Variants in DNM3 observed in about 807,000 individuals in gnomAD.
DNM3 encodes dynamin 3, also known as dynamin-3.
Under a neutral mutation model 101.6 loss-of-function variants are expected in DNM3, and 47 were observed. That is an observed-to-expected ratio of 0.46 (90% CI 0.37 to 0.59). The LOEUF (loss-of-function observed/expected upper bound fraction) is 0.59, where lower values mean the gene tolerates loss of function less well. Ranked by LOEUF, DNM3 falls within the 20% of genes least tolerant of loss-of-function variation. The pLI is 0.00. For synonymous variants in DNM3, 385 were observed against 387.9 expected (o/e 0.99, Z 0.09); for missense variants, 849 against 1,085.7 (o/e 0.78, Z 3.06).
At chr1:172,382,669 A>G (rs9425587) in intron 18 of DNM3, among the ~76,000 whole-genome samples, 5 of 152,110 alleles carry the variant, frequency 3.3e-5, no homozygotes, top group South Asian at 2.1e-4. Context: ...TCCTACCCCC[A>G]CAGGGTATTC....
At chr1:172,319,065 G>A (rs1430440582) in intron 16 of DNM3, among the ~76,000 whole-genome samples, 2 of 152,048 alleles carry the variant, frequency 1.3e-5, no homozygotes, top group Non-Finnish European at 2.9e-5. Context: ...ACAGAACAGA[G>A]CCCTCAGAAA....
chr1:172,345,345 CTG>C (rs1191832696), intron 17 of DNM3, among the ~76,000 whole-genome samples: 1 of 152,172 alleles, frequency 6.6e-6, no homozygotes, highest in African/African-American at 2.4e-5. Context: ...GAAAGGGAAA[CTG>C]ATTATATTAG....
At chr1:172,389,557 G>T (rs9425591) in intron 20 of DNM3, among the ~76,000 whole-genome samples, 72,142 of 152,026 alleles carry the variant, frequency 0.47, 20,249 homozygotes, top group East Asian at 0.87. Context: ...ACAATGAATA[G>T]AATCAGAGAT....
At chr1:171,982,074 G>A (rs2044844146) in intron 2 of DNM3, among the ~76,000 whole-genome samples, 1 of 152,174 alleles carries the variant, frequency 6.6e-6, no homozygotes, top group African/African-American at 2.4e-5. Context: ...CATGTCAAGA[G>A]AGCTCATGCC....
chr1:171,922,191 T>C (rs1395584754), intron 2 of DNM3, among the ~76,000 whole-genome samples: 2 of 151,918 alleles, frequency 1.3e-5, no homozygotes, highest in Non-Finnish European at 2.9e-5. Flanking sequence ...GGGGATTAAC[T>C]CATAAAATTC....
intron 14 of DNM3, among the ~76,000 whole-genome samples, chr1:172,222,768 G>A (rs1253293751): frequency 6.6e-6 from 1 of 152,020 alleles, no homozygotes; most frequent in South Asian, 2.1e-4. Flanking sequence ...CATTAACAGA[G>A]TTCTAAACAT....
intron 14 of DNM3, among the ~76,000 whole-genome samples, chr1:172,179,681 T>C (rs1170032533): frequency 6.6e-6 from 1 of 151,894 alleles, no homozygotes; most frequent in Non-Finnish European, 1.5e-5. Flanking sequence ...TATTTAATTC[T>C]GGACTTATTT....
At chr1:172,144,251 A>G (rs931715841) in intron 14 of DNM3, 3 of 153,138 alleles carry the variant, frequency 2.0e-5, no homozygotes, top group African/African-American at 7.3e-5. Flanking sequence ...AATTAAATAC[A>G]TCTCTACCCA....
intron 16 of DNM3, among the ~76,000 whole-genome samples, chr1:172,314,291 A>G (rs2065215011): frequency 6.6e-6 from 1 of 152,224 alleles, no homozygotes; most frequent in African/African-American, 2.4e-5. Context: ...TCCGGTCTAC[A>G]GCTCCCAGCG....
intron 13 of DNM3, among the ~76,000 whole-genome samples, chr1:172,119,514 G>A (rs561930076): frequency 1.8e-4 from 28 of 152,020 alleles, no homozygotes; most frequent in African/African-American, 6.8e-4. Context: ...TTTCCTTCAT[G>A]GGTCCATCCT....
chr1:172,270,464 A>G (rs2148745866), intron 15 of DNM3, among the ~76,000 whole-genome samples: 1 of 152,298 alleles, frequency 6.6e-6, no homozygotes, highest in South Asian at 2.1e-4. Flanking sequence ...TTATGGTGAC[A>G]CCAACTTACC....
At chr1:172,128,502 A>C (rs2056763086) in intron 13 of DNM3, among the ~76,000 whole-genome samples, 1 of 152,214 alleles carries the variant, frequency 6.6e-6, no homozygotes, top group South Asian at 2.1e-4. Context: ...AATTTCTGAT[A>C]GCCACATTAA....
intron 17 of DNM3, among the ~76,000 whole-genome samples, chr1:172,347,870 T>C (rs1361907657): frequency 1.3e-5 from 2 of 152,172 alleles, no homozygotes; most frequent in Admixed American, 6.5e-5. Flanking sequence ...TATTTACACA[T>C]TGGAGTATTA....
chr1:172,073,619 A>C (rs1289443143), intron 11 of DNM3, among the ~76,000 whole-genome samples: 1 of 152,176 alleles, frequency 6.6e-6, no homozygotes, highest in Non-Finnish European at 1.5e-5. Flanking sequence ...TATGTCTATG[A>C]ACTGTTGCCA....
At chr1:172,163,878 T>TATGTGTATATATGTATATATGCAC (rs968155683) in intron 14 of DNM3, among the ~76,000 whole-genome samples, 5 of 117,618 alleles carry the variant, frequency 4.3e-5, no homozygotes, top group South Asian at 2.5e-4. Flanking sequence ...TGTGTATATG[T>TATGTGTATATATGTATATATGCAC]ATGTGTATAT....
chr1:171,887,439 T>C lies in DNM3; in HGVS notation c.162-34309T>C, dbSNP rs563407991. Among the ~76,000 whole-genome samples the C allele has an allele frequency of 2.6e-5, 4 of 152,302 alleles. No homozygotes were observed. The South Asian group carries it at 8.3e-4, about 32-fold the overall frequency. On this transcript the variant is annotated intron_variant, in intron 1 of 20. Coordinates refer to ENST00000627582, the MANE Select transcript of DNM3 (RefSeq NM_015569.5). ...TTAAAAAATGTCTTCTGTATACTAT[T>C]TAAAAGATTTTCCATAGTTTTCATG...
At position 172,189,145 on chromosome 1, in the gene DNM3, C is replaced by T. The variant is rs149545061; in HGVS notation, c.1659+57857C>T. Among the ~76,000 whole-genome samples, 527 of 151,994 alleles carry T rather than the reference C, an allele frequency of 3.5e-3. 1 individual carries two copies. The highest frequency in any genetic ancestry group is 0.012 in the African/African-American group (503 of 41,496). ...CCTTTCTCTATTGAATTGCCTTTTT[C>T]CCTTTGTCCAAGATCAGTTAACTAG... On this transcript the variant is annotated intron_variant, in intron 14 of 20. Coordinates refer to ENST00000627582, the MANE Select transcript of DNM3 (RefSeq NM_015569.5).
chr1:172,147,010 A>G (rs1400686141), intron 14 of DNM3, among the ~76,000 whole-genome samples: 6 of 152,164 alleles, frequency 3.9e-5, no homozygotes. Context: ...AATTTTCTCC[A>G]GAGACAGCTA....
intron 17 of DNM3, among the ~76,000 whole-genome samples, chr1:172,333,314 A>G (rs984608703): frequency 6.6e-6 from 1 of 152,200 alleles, no homozygotes; most frequent in African/African-American, 2.4e-5. Context: ...ATTTAAGTAG[A>G]CTGAACAAGT....
Sources: allele counts gnomAD v4.1 joint callset (sites outside exome capture counted in the v4.1 genomes callset), GRCh38; gene constraint gnomAD v4.1.1; transcripts MANE v1.5; gene names NCBI Gene and HGNC (gene_info 2026-07-23, HGNC 2026-07-21).